AUTS2: variants seen among roughly 807,000 people sequenced by gnomAD.
The protein encoded by AUTS2 is autism susceptibility gene 2 protein.
AUTS2 carries 17 observed loss-of-function variants against 112.4 expected under a neutral mutation model. The observed-to-expected ratio is 0.15, with a 90% CI of 0.10 to 0.23. The LOEUF (loss-of-function observed/expected upper bound fraction) is 0.23. Among genes scored for constraint, AUTS2 ranks in the 10% least tolerant of loss-of-function variants. The pLI is 1.00. For synonymous variants in AUTS2, 751 were observed against 702.7 expected (o/e 1.07, Z -1.09); for missense variants, 1,510 against 1,701.6 (o/e 0.89, Z 1.98).
intron 4 of AUTS2, among the ~76,000 whole-genome samples, chr7:70,355,014 ATG>A (rs571413914): frequency 1.5e-4 from 19 of 128,760 alleles, no homozygotes; most frequent in East Asian, 4.6e-4. Flanking sequence ...GTGTGTATGT[ATG>A]TGTGTGTGTA....
chr7:69,783,407 G>A (rs1183055086), intron 1 of AUTS2, among the ~76,000 whole-genome samples: 2 of 152,074 alleles, frequency 1.3e-5, no homozygotes, highest in Non-Finnish European at 2.9e-5. Context: ...GTAGATGCTT[G>A]TTCTCCAGTT....
intron 2 of AUTS2, among the ~76,000 whole-genome samples, chr7:70,083,427 TA>T (rs1160163572): frequency 6.6e-6 from 1 of 152,160 alleles, no homozygotes; most frequent in Non-Finnish European, 1.5e-5. Context: ...AATTTGTCTT[TA>T]AAAAATTGCA....
chr7:70,537,522 A>G (rs959684914), intron 5 of AUTS2, among the ~76,000 whole-genome samples: 1 of 152,238 alleles, frequency 6.6e-6, no homozygotes, highest in Non-Finnish European at 1.5e-5. Flanking sequence ...CAATGAAATT[A>G]AGACTTTCCA....
intron 1 of AUTS2, among the ~76,000 whole-genome samples, chr7:69,895,549 C>CG (rs901344534): frequency 1.2e-3 from 174 of 142,446 alleles, no homozygotes; most frequent in Non-Finnish European, 1.5e-3. Flanking sequence ...TTCTTCCCCC[C>CG]CCCCGAGTGG....
chr7:69,743,555 T>C (rs910207498), intron 1 of AUTS2, among the ~76,000 whole-genome samples: 18 of 152,196 alleles, frequency 1.2e-4, no homozygotes, highest in Admixed American at 1.3e-4. Flanking sequence ...TTTATGACTT[T>C]GAGCTACAGT....
Position 69,599,634 on chromosome 7 carries a change from G to T in AUTS2, c.-20G>T. 1 of 1,276,714 alleles carries T rather than the reference G, an allele frequency of 7.8e-7. No homozygotes were observed. Among genetic ancestry groups the T allele is most frequent in the Non-Finnish European group, 9.9e-7 (1 of 1,013,526 alleles). 79.1% of individuals were successfully genotyped at this position (1,276,714 alleles called of 1,614,324 possible). On this transcript the variant is annotated 5_prime_UTR_variant, in exon 1 of 19. Coordinates refer to ENST00000342771, the MANE Select transcript of AUTS2 (RefSeq NM_015570.4). The surrounding 1 kb of genome is among the most constrained non-coding windows in gnomAD (Gnocchi z 7.0). ...GTAGCCTGTGGCGGGCAAGCGGGGA[G>T]ACCCCGGCGCAGCAGAACCATGGAT...
At chr7:69,938,011 T>C (rs1796481944) in intron 2 of AUTS2, among the ~76,000 whole-genome samples, 1 of 152,218 alleles carries the variant, frequency 6.6e-6, no homozygotes, top group Non-Finnish European at 1.5e-5. Context: ...ACATCTTAAA[T>C]GCTTCAGAAA....
At chr7:70,430,985 G>A (rs1468092253) in intron 4 of AUTS2, among the ~76,000 whole-genome samples, 1 of 151,916 alleles carries the variant, frequency 6.6e-6, no homozygotes, top group East Asian at 1.9e-4. Context: ...ACAGGCGCCC[G>A]CCAGCACGCC....
intron 10 of AUTS2, among the ~76,000 whole-genome samples, chr7:70,770,668 T>C (rs764151545): frequency 3.9e-5 from 6 of 152,188 alleles, no homozygotes; most frequent in Non-Finnish European, 7.3e-5. Context: ...GAATCATTCT[T>C]TTACCATCAT....
At chr7:70,244,989 G>A (rs925772163) in intron 4 of AUTS2, among the ~76,000 whole-genome samples, 18 of 151,060 alleles carry the variant, frequency 1.2e-4, no homozygotes, top group Non-Finnish European at 2.1e-4. Flanking sequence ...GTGTGGTGGC[G>A]CATGCCTGTA....
intron 4 of AUTS2, among the ~76,000 whole-genome samples, chr7:70,166,421 A>G (rs1747121915): frequency 6.6e-6 from 1 of 152,216 alleles, no homozygotes; most frequent in Non-Finnish European, 1.5e-5. Flanking sequence ...AACATGTTAA[A>G]ATAAAATTTT....
intron 5 of AUTS2, among the ~76,000 whole-genome samples, chr7:70,478,487 C>T (rs1405812352): frequency 6.6e-6 from 1 of 152,180 alleles, no homozygotes; most frequent in Non-Finnish European, 1.5e-5. Flanking sequence ...CCTGCCTTGC[C>T]TGCAGGAGGC....
chr7:70,622,074 G>A (rs1804709220), intron 5 of AUTS2, among the ~76,000 whole-genome samples: 1 of 151,784 alleles, frequency 6.6e-6, no homozygotes, highest in South Asian at 2.1e-4. Flanking sequence ...CTGACTTCAG[G>A]TGATCTGCCC....
chr7:70,652,819 T>C (rs140899948), intron 5 of AUTS2, among the ~76,000 whole-genome samples: 1 of 152,212 alleles, frequency 6.6e-6, no homozygotes, highest in Non-Finnish European at 1.5e-5. Flanking sequence ...CTGTTTTGAC[T>C]CTTGGCAATG....
At chr7:69,809,422 T>C (rs892507647) in intron 1 of AUTS2, among the ~76,000 whole-genome samples, 7 of 152,204 alleles carry the variant, frequency 4.6e-5, no homozygotes, top group Admixed American at 3.9e-4. Context: ...CATTAGCTCT[T>C]AGCCATCTGA....
intron 5 of AUTS2, among the ~76,000 whole-genome samples, chr7:70,639,546 G>A (rs905085699): frequency 6.8e-6 from 1 of 146,934 alleles, no homozygotes; most frequent in South Asian, 2.2e-4. Context: ...TAACCTGGGA[G>A]GTTGAGGCTG....
At chr7:70,693,526 G>A (rs973076027) in intron 5 of AUTS2, among the ~76,000 whole-genome samples, 1 of 152,210 alleles carries the variant, frequency 6.6e-6, no homozygotes, top group Non-Finnish European at 1.5e-5. Context: ...GCGGTCAGTC[G>A]GCTGTGGTGG....
chr7:69,934,351 G>A (rs1796331164), intron 2 of AUTS2, among the ~76,000 whole-genome samples: 1 of 152,210 alleles, frequency 6.6e-6, no homozygotes, highest in Non-Finnish European at 1.5e-5. Flanking sequence ...AGCAGTCACA[G>A]ACTCTGAACC....
At chr7:70,026,168 C>T (rs1309954442) in intron 2 of AUTS2, among the ~76,000 whole-genome samples, 2 of 152,200 alleles carry the variant, frequency 1.3e-5, no homozygotes, top group African/African-American at 4.8e-5. Context: ...TTACTTAGCC[C>T]TTAGCCAGAT....
Sources: allele counts gnomAD v4.1 joint callset (sites outside exome capture counted in the v4.1 genomes callset), GRCh38; gene constraint gnomAD v4.1.1; non-coding constraint Gnocchi (gnomAD v3.1); transcripts MANE v1.5; gene names NCBI Gene and HGNC (gene_info 2026-07-23, HGNC 2026-07-21).